MSRA: variants seen among roughly 807,000 people sequenced by gnomAD.
MSRA encodes mitochondrial peptide methionine sulfoxide reductase.
Under a neutral mutation model 31.3 loss-of-function variants are expected in MSRA, and 54 were observed. The ratio of observed to expected loss-of-function variants is 1.73; its 90% CI spans 1.39 to 2.17. The LOEUF (loss-of-function observed/expected upper bound fraction) is 2.17, where lower values mean the gene tolerates loss of function less well. Ranked by LOEUF, MSRA falls within the 30% of genes most tolerant of loss-of-function variation. The pLI is 0.00. For missense variants in MSRA, 507 were observed against 300.9 expected, an observed-to-expected ratio of 1.69 and a Z score of -5.07; for synonymous variants, 169 against 116.5, an observed-to-expected ratio of 1.45 and a Z score of -2.90.
intron 5 of MSRA, among the ~76,000 whole-genome samples, chr8:10,354,927 T>C (rs1331517656): frequency 6.6e-6 from 1 of 152,196 alleles, no homozygotes; most frequent in East Asian, 1.9e-4. Flanking sequence ...GTGATGAGCA[T>C]ACTTACAGCT....
intron 5 of MSRA, among the ~76,000 whole-genome samples, chr8:10,371,468 G>T (rs143634308): frequency 6.6e-6 from 1 of 152,142 alleles, no homozygotes; most frequent in African/African-American, 2.4e-5. Flanking sequence ...CACTTTAGGG[G>T]TGACATAATT....
chr8:10,101,405 T>C (rs1278879449), intron 1 of MSRA, among the ~76,000 whole-genome samples: 5 of 152,224 alleles, frequency 3.3e-5, no homozygotes, highest in Admixed American at 1.3e-4. Context: ...TTTTACCGTC[T>C]TAACCATTTT....
At chr8:10,133,744 G>T (rs1162853539) in intron 1 of MSRA, among the ~76,000 whole-genome samples, 1 of 152,242 alleles carries the variant, frequency 6.6e-6, no homozygotes, top group Non-Finnish European at 1.5e-5. Context: ...TGTTAAGACT[G>T]TGATACTTGG....
intron 3 of MSRA, among the ~76,000 whole-genome samples, chr8:10,273,846 A>G (rs1168117554): frequency 2.0e-5 from 3 of 152,178 alleles, no homozygotes. Flanking sequence ...GGAGGCTTAC[A>G]TTATGATCCT....
chr8:10,421,765 C>G (rs545900458), intron 5 of MSRA, among the ~76,000 whole-genome samples: 4 of 152,072 alleles, frequency 2.6e-5, no homozygotes, highest in Non-Finnish European at 5.9e-5. Flanking sequence ...AGCTGGAGAC[C>G]GAGCTGAGGT....
At chr8:10,286,422 C>G (rs1044199355) in intron 3 of MSRA, among the ~76,000 whole-genome samples, 5 of 152,174 alleles carry the variant, frequency 3.3e-5, no homozygotes, top group Non-Finnish European at 5.9e-5. Flanking sequence ...CTCTCTTTGC[C>G]TGCTGCCGCC....
chr8:10,139,358 T>A (rs2129030108), intron 1 of MSRA, among the ~76,000 whole-genome samples: 1 of 152,352 alleles, frequency 6.6e-6, no homozygotes, highest in East Asian at 1.9e-4. Context: ...CCACTTCTCA[T>A]GATCTTTATT....
At chr8:10,107,245 G>C (rs2129011552) in intron 1 of MSRA, among the ~76,000 whole-genome samples, 1 of 152,008 alleles carries the variant, frequency 6.6e-6, no homozygotes, top group African/African-American at 2.4e-5. Context: ...GGATCTTTCA[G>C]AATATGAGAG....
chr8:10,137,495 T>C (rs1167906697), intron 1 of MSRA, among the ~76,000 whole-genome samples: 1 of 152,220 alleles, frequency 6.6e-6, no homozygotes, highest in Non-Finnish European at 1.5e-5. Flanking sequence ...AAGATTGTGG[T>C]ATACTGGGAA....
intron 3 of MSRA, among the ~76,000 whole-genome samples, chr8:10,275,092 C>CTTTTTTTTTTTTTTT (rs1563297479): frequency 1.3e-5 from 2 of 151,944 alleles, no homozygotes; most frequent in African/African-American, 4.8e-5. Flanking sequence ...GAGAATAATT[C>CTTTTTTTTTTTTTTT]TTATTTGCTG....
Position 10,270,540 on chromosome 8 carries a change from G to C in MSRA, c.331+25317G>C, listed in dbSNP as rs140948976. Among the ~76,000 whole-genome samples, 596 of 152,306 alleles carry C rather than the reference G, an allele frequency of 3.9e-3. 3 individuals are homozygous for C. Among genetic ancestry groups the C allele is most frequent in the South Asian group, 6.8e-3 (33 of 4,828 alleles). On this transcript the variant is annotated intron_variant, in intron 3 of 5. Coordinates refer to ENST00000317173, the MANE Select transcript of MSRA (RefSeq NM_012331.5). The stretch of plus-strand genomic sequence containing the variant: ...CCAGCTTGACAGCAGTCATGCCCAG[G>C]ATGCTCATAAGGACTGCTAGAGGAG...
intron 1 of MSRA, 146 bp from the exon 2 acceptor site, chr8:10,207,687 A>T (rs557174220): frequency 3.1e-6 from 2 of 642,752 alleles, no homozygotes; most frequent in Non-Finnish European, 5.1e-6. Context: ...ATGAAAAACA[A>T]AATAATTGAA....
chr8:10,178,542 A>T (rs552234459), intron 1 of MSRA, among the ~76,000 whole-genome samples: 4 of 152,380 alleles, frequency 2.6e-5, no homozygotes, highest in African/African-American at 7.2e-5. Flanking sequence ...ACTACCACAG[A>T]GTTATAAGTG....
chr8:10,151,172 C>T (rs1448901467), intron 1 of MSRA, among the ~76,000 whole-genome samples: 5 of 150,206 alleles, frequency 3.3e-5, no homozygotes, highest in African/African-American at 1.2e-4. Context: ...GAGCCGAGCT[C>T]ACCAGGAGCT....
intron 5 of MSRA, 73 bp from the exon 6 acceptor site, chr8:10,428,075 C>T: frequency 1.3e-6 from 2 of 1,513,660 alleles, no homozygotes; most frequent in Non-Finnish European, 8.9e-7. Flanking sequence ...CAGCCCTGGC[C>T]CCTCAGTGCC....
intron 5 of MSRA, among the ~76,000 whole-genome samples, chr8:10,413,536 TAAAC>T (rs1431173739): frequency 6.6e-6 from 1 of 151,914 alleles, no homozygotes; most frequent in East Asian, 1.9e-4. Flanking sequence ...TATCCGTTAC[TAAAC>T]AAAGACTTTA....
intron 4 of MSRA, among the ~76,000 whole-genome samples, chr8:10,318,989 A>G (rs1801886658): frequency 6.6e-6 from 1 of 152,154 alleles, no homozygotes; most frequent in Non-Finnish European, 1.5e-5. Context: ...TGCTGCCAAG[A>G]CAAGTCACTT....
intron 1 of MSRA, among the ~76,000 whole-genome samples, chr8:10,089,019 A>G (rs1306934438): frequency 6.6e-6 from 1 of 152,206 alleles, no homozygotes; most frequent in Non-Finnish European, 1.5e-5. Context: ...ATGTAGATCA[A>G]AGGATAAATA....
chr8:10,254,181 C>T (rs533086542), intron 3 of MSRA, among the ~76,000 whole-genome samples: 3 of 152,228 alleles, frequency 2.0e-5, no homozygotes, highest in Admixed American at 6.5e-5. Context: ...CTAATTTCAG[C>T]GTCTTCGTTC....
Sources: allele counts gnomAD v4.1 joint callset (sites outside exome capture counted in the v4.1 genomes callset), GRCh38; gene constraint gnomAD v4.1.1; transcripts MANE v1.5; gene names NCBI Gene and HGNC (gene_info 2026-07-23, HGNC 2026-07-21).